The following MFAP4 variants were observed in gnomAD, a reference collection of about 807,000 sequenced individuals.
The protein encoded by MFAP4 is microfibril-associated glycoprotein 4.
MFAP4 carries 20 observed loss-of-function variants against 32.4 expected under a neutral mutation model. That is an observed-to-expected ratio of 0.62 (90% CI 0.43 to 0.90). MFAP4 has a LOEUF of 0.90. MFAP4 is among the 40% of genes least tolerant of loss of function. MFAP4 has a pLI of 0.00. For missense variants in MFAP4, 267 were observed against 329.5 expected (o/e 0.81, Z 1.47); for synonymous variants, 146 against 137.4 (o/e 1.06, Z -0.44).
chr17:19,385,051 G>T (rs781130106), intron 5 of MFAP4, 48 bp downstream of exon 5: 2 of 1,584,870 alleles, frequency 1.3e-6, no homozygotes, highest in South Asian at 1.1e-5. Flanking sequence ...GGCCAGCCCT[G>T]CCTTCTTTCC....
chr17:19,384,259 A>T lies in MFAP4; in HGVS notation c.*203T>A, dbSNP rs1018691161. On this transcript the variant is annotated 3_prime_UTR_variant, in exon 6 of 6. Coordinates refer to ENST00000299610, the MANE Select transcript of MFAP4 (RefSeq NM_002404.3). ...GGGGAACTGCTGGCAGTGTAACTTC[A>T]GGTGTAGGGGAGCCGGGTCTGGCTT... The T allele has an allele frequency of 3.0e-5, 18 of 602,290 alleles. No homozygotes were observed. The highest frequency in any genetic ancestry group is 7.4e-5 in the African/African-American group (4 of 53,774). The allele number at this position is 602,290 out of a possible 1,614,324, so 37.3% of individuals were successfully genotyped here. A position where few individuals can be genotyped will look rare whatever the true frequency, so the allele number is the denominator to read the frequency against.
At chr17:19,385,865 T>C (rs1913013370) in intron 3 of MFAP4, among the ~76,000 whole-genome samples, 1 of 152,258 alleles carries the variant, frequency 6.6e-6, no homozygotes, top group Non-Finnish European at 1.5e-5. Context: ...ACGCCTGTTA[T>C]CTCAGCACTT....
At chr17:19,385,633 G>A (rs1279866700) in intron 3 of MFAP4, among the ~76,000 whole-genome samples, 179 bp from the exon 4 acceptor site, 1 of 148,058 alleles carries the variant, frequency 6.8e-6, no homozygotes, top group Admixed American at 6.6e-5. Context: ...ATTGGCACCA[G>A]GCCCCCTGTG....
chr17:19,386,150 G>A (rs1340492273), intron 3 of MFAP4, among the ~76,000 whole-genome samples, 160 bp downstream of exon 3: 1 of 152,212 alleles, frequency 6.6e-6, no homozygotes, highest in African/African-American at 2.4e-5. Context: ...CCTACCTCAG[G>A]CACTTAGAAT....
At chr17:19,386,563 C>CT in intron 2 of MFAP4, 99 bp from the exon 3 acceptor site, 1 of 1,394,288 alleles carries the variant, frequency 7.2e-7, no homozygotes, top group Non-Finnish European at 9.9e-7. Context: ...GGCTGGGGGA[C>CT]TTTGACACAA....
intron 1 of MFAP4, 147 bp from the exon 2 acceptor site, chr17:19,386,985 A>AAACCCCCC: frequency 3.2e-6 from 1 of 317,368 alleles, no homozygotes; most frequent in South Asian, 2.2e-5. Flanking sequence ...CTGCCCCCCC[A>AAACCCCCC]CCCCGCCCGC....
chr17:19,387,148 A>T lies in MFAP4; in HGVS notation c.6+2T>A, dbSNP rs113209879. The T allele has an allele frequency of 6.2e-7, 1 of 1,607,184 alleles. No homozygotes were observed. Among genetic ancestry groups the T allele is most frequent in the Non-Finnish European group, 8.5e-7 (1 of 1,176,540 alleles). The stretch of plus-strand genomic sequence containing the variant: ...TGAGTCCCCCGACCCTGGGCCCCGT[A>T]CCTTCATGCTGTCAGTTCTGCTCAG... On this transcript the variant is annotated splice_donor_variant, in intron 1 of 5. Coordinates refer to ENST00000299610, the MANE Select transcript of MFAP4 (RefSeq NM_002404.3). LOFTEE classifies it high-confidence loss of function.
chr17:19,384,783 A>G (rs1912961258), intron 5 of MFAP4, 74 bp from the exon 6 acceptor site: 6 of 1,587,254 alleles, frequency 3.8e-6, no homozygotes, highest in South Asian at 1.1e-5. Flanking sequence ...GAGGGTGACA[A>G]TGACGACTGT....
chr17:19,384,933 A>G (rs1424037071), intron 5 of MFAP4, among the ~76,000 whole-genome samples, 166 bp downstream of exon 5: 1 of 152,240 alleles, frequency 6.6e-6, no homozygotes, highest in Non-Finnish European at 1.5e-5. Context: ...GCTGCTCCCC[A>G]GGGCTGAGGC....
At chr17:19,385,537 C>A in intron 3 of MFAP4, 83 bp from the exon 4 acceptor site, 15 of 1,266,736 alleles carry the variant, frequency 1.2e-5, no homozygotes, top group Non-Finnish European at 1.7e-5. Flanking sequence ...CAAGCATGGA[C>A]CCTGTGATGC....
Position 19,385,450 on chromosome 17 carries a change from A to C in MFAP4, c.245T>G (p.Phe82Cys), listed in dbSNP as rs776737553. 6.2e-7 allele frequency: 1 copy of C among 1,614,200 alleles called. No homozygotes were observed. The highest frequency in any genetic ancestry group is 8.5e-7 in the Non-Finnish European group (1 of 1,180,004). Residue 82 changes from phenylalanine to cysteine, a missense_variant, in exon 4 of 6, where the codon TTC becomes TGC. Transcript: ENST00000299610. ...TACTGAGCCATTGAATCTCTTCTGG[A>C]AAACCTGGAGCAGAGAAGATGAGAC... ...MTTEGGKWTV[F>C]QKRFNGSVSF...
chr17:19,386,624 A>G, intron 2 of MFAP4, 136 bp downstream of exon 2: 5 of 1,238,516 alleles, frequency 4.0e-6, no homozygotes, highest in Non-Finnish European at 4.6e-6. Context: ...TATGTCATCC[A>G]TCTGCCCCAT....
chr17:19,385,489 G>A (rs763172152), intron 3 of MFAP4, 35 bp from the exon 4 acceptor site: 1 of 1,593,932 alleles, frequency 6.3e-7, no homozygotes, highest in Non-Finnish European at 8.6e-7. Context: ...ATCATCAAGG[G>A]TCCAATGGGC....
chr17:19,386,599 G>T, intron 2 of MFAP4, 135 bp from the exon 3 acceptor site: 1 of 1,259,092 alleles, frequency 7.9e-7, no homozygotes, highest in Admixed American at 2.0e-5. Context: ...TTCTTCAAGG[G>T]AGATGAGCAA....
chr17:19,385,284 G>A lies in MFAP4; in HGVS notation c.338-3C>T, dbSNP rs113777342. 1 of 1,614,114 alleles carries A rather than the reference G, an allele frequency of 6.2e-7. No individual in the cohort carries two copies. Among genetic ancestry groups the A allele is most frequent in the Admixed American group, 1.7e-5 (1 of 60,014 alleles). ...CAGGAGGTGCATGTTCTGCAGCCCT[G>A]GGGAGGAGGGGCAGCTGGTCAACAA... On this transcript the variant is annotated splice_region_variant and splice_polypyrimidine_tract_variant and intron_variant, in intron 4 of 5. Transcript: ENST00000299610.
Position 19,386,361 on chromosome 17 carries a change from A to C in MFAP4, c.189T>G (p.Ser63Arg). 1 of 1,613,690 alleles carries C rather than the reference A, an allele frequency of 6.2e-7. No homozygotes were observed. The highest frequency in any genetic ancestry group is 8.5e-7 in the Non-Finnish European group (1 of 1,179,860). Residue 63 changes from serine (S) to arginine (R), a missense_variant, in exon 3 of 6, where the codon AGT (serine) becomes AGG (arginine). Physicochemically the swap from Ser to Arg is moderately radical, Grantham distance 110. This residue lies in a region of MFAP4 where 223 missense variants were observed against 253.3 expected (regional missense o/e 0.88). Coordinates refer to ENST00000299610, the MANE Select transcript of MFAP4 (RefSeq NM_002404.3). ...TGTCACAGAAGACGGGCACAGGCACACTGGGGCCCGAGGGGTAGATGAGGT... is the reference window on the plus strand; with the variant it reads ...TGTCACAGAAGACGGGCACAGGCACCCTGGGGCCCGAGGGGTAGATGAGGT... ...GVYLIYPSGP[S>R]VPVPVFCDMT... is the part of the protein sequence containing the mutation.
chr17:19,384,374 C>G lies in MFAP4; in HGVS notation c.*88G>C, dbSNP rs1017264781. The G allele has an allele frequency of 7.6e-6, 11 of 1,446,900 alleles. No individual in the cohort carries two copies. The highest frequency in any genetic ancestry group is 2.5e-4 in the Middle Eastern group (1 of 4,080). 89.6% of individuals were successfully genotyped at this position (1,446,900 alleles called of 1,614,324 possible). ...TAAGGAGTTGGTGCTCGGGAATCAGCAGAAGCATGCATCAGGGGCAGCAGA... is the reference window on the plus strand; with the variant it reads ...TAAGGAGTTGGTGCTCGGGAATCAGGAGAAGCATGCATCAGGGGCAGCAGA... On this transcript the variant is annotated 3_prime_UTR_variant, in exon 6 of 6. Transcript: ENST00000299610.
Position 19,383,470 on chromosome 17 carries a change from A to G in MFAP4, c.*992T>C. On this transcript the variant is annotated 3_prime_UTR_variant, in exon 6 of 6. Coordinates refer to ENST00000299610, the MANE Select transcript of MFAP4 (RefSeq NM_002404.3). ...TTTTCAGTATTATATTTTTATTATT[A>G]TTATGTTATTATTACACTGTCTTTT... is the stretch of plus-strand genomic sequence containing the variant. 1 of 353,338 alleles carries G rather than the reference A, an allele frequency of 2.8e-6. No individual in the cohort carries two copies. Among genetic ancestry groups the G allele is most frequent in the Non-Finnish European group, 5.0e-6 (1 of 198,500 alleles). 21.9% of individuals were successfully genotyped at this position (353,338 alleles called of 1,614,324 possible).
At chr17:19,386,977 G>GGGCCCCCCC in intron 1 of MFAP4, 139 bp from the exon 2 acceptor site, 1 of 689,458 alleles carries the variant, frequency 1.5e-6, no homozygotes, top group Non-Finnish European at 2.4e-6. Flanking sequence ...CCTCTTCCCT[G>GGGCCCCCCC]CCCCCCCACC....
Sources: allele counts gnomAD v4.1 joint callset (sites outside exome capture counted in the v4.1 genomes callset), GRCh38; gene constraint gnomAD v4.1.1; regional missense constraint gnomAD v4.1.1; transcripts MANE v1.5; gene names NCBI Gene and HGNC (gene_info 2026-07-23, HGNC 2026-07-21).